The following DIXDC1 variants were observed in gnomAD, a reference collection of about 807,000 sequenced individuals.
DIXDC1 encodes the protein dixin.
In DIXDC1, 64 loss-of-function variants were observed where a neutral mutation model predicts 103.1. The ratio of observed to expected loss-of-function variants is 0.62; its 90% CI spans 0.51 to 0.76. The LOEUF (loss-of-function observed/expected upper bound fraction) is 0.76. DIXDC1 is among the 30% of genes least tolerant of loss of function. The probability of loss-of-function intolerance (pLI) is 0.00; values close to 1 mark genes in which losing one functional copy is unlikely to be tolerated. For synonymous variants in DIXDC1, 266 were observed against 298.5 expected (o/e 0.89, Z 1.12); for missense variants, 759 against 834.2 (o/e 0.91, Z 1.11).
intron 1 of DIXDC1, among the ~76,000 whole-genome samples, chr11:111,928,036 A>G (rs1393458374): frequency 1.3e-5 from 2 of 151,922 alleles, no homozygotes; most frequent in East Asian, 3.9e-4. Flanking sequence ...AAAAAAAAAA[A>G]AATAGTATTA....
Position 111,940,956 on chromosome 11 carries a change from T to C in DIXDC1, c.60+3397T>C, listed in dbSNP as rs587664233. On this transcript the variant is annotated intron_variant, in intron 1 of 19. Coordinates refer to ENST00000440460, the MANE Select transcript of DIXDC1 (RefSeq NM_001037954.4). Reference sequence around the variant, plus strand: ...TGCCCTACTGGAGCTCACAGACCAGTGAAGAGGAAGTAGCCAGGCACGGTG... The same window carrying C: ...TGCCCTACTGGAGCTCACAGACCAGCGAAGAGGAAGTAGCCAGGCACGGTG... 9.9e-5 allele frequency among the ~76,000 whole-genome samples: 15 copies of C among 152,214 alleles called. No homozygotes were observed. The East Asian group carries it at 2.1e-3, about 22-fold the overall frequency.
rs143484000 is a variant in DIXDC1 at position 111,994,406 on chromosome 11, T to C, written c.1438-613T>C. On this transcript the variant is annotated intron_variant, in intron 14 of 19. Transcript: ENST00000440460. ...CAAAACAAAACAAAACATACATATA[T>C]ATATATATTCATACATACATATATA... Among the ~76,000 whole-genome samples the C allele has an allele frequency of 2.6e-5, 4 of 151,636 alleles. No homozygotes were observed. In the East Asian group the frequency reaches 7.7e-4, roughly 29 times the overall value.
chr11:111,944,854 G>T (rs1364503317), intron 1 of DIXDC1, among the ~76,000 whole-genome samples: 1 of 152,184 alleles, frequency 6.6e-6, no homozygotes, highest in Non-Finnish European at 1.5e-5. Context: ...ACCTTCAGTT[G>T]TTCTAGACAT....
Position 112,016,773 on chromosome 11 carries a change from C to A in DIXDC1, c.1839C>A (p.Pro613=). The part of the protein sequence containing the change: ...VLYFTDRSLT[P]FMVNIPKRLE... ...ATTTCACTGACCGGTCACTTACGCC[C>A]TTCATGGTCAATATACCAAAGAGGT... Residue 613 remains proline (P), a synonymous_variant, in exon 18 of 20, where the codon CCC becomes CCA. Coordinates refer to ENST00000440460, the MANE Select transcript of DIXDC1 (RefSeq NM_001037954.4). 2 of 1,607,752 alleles carry A rather than the reference C, an allele frequency of 1.2e-6. No individual in the cohort carries two copies. Among genetic ancestry groups the A allele is most frequent in the South Asian group, 1.1e-5 (1 of 89,874 alleles).
rs1235259744 is a variant in DIXDC1, at chr11:111,977,214, G to A, written c.656+2231G>A. 2 of 986,058 alleles carry A rather than the reference G, an allele frequency of 2.0e-6. No homozygotes were observed. Among genetic ancestry groups the A allele is most frequent in the Non-Finnish European group, 2.4e-6 (2 of 828,810 alleles). The allele number at this position is 986,058 out of a possible 1,614,324, so 61.1% of individuals were successfully genotyped here. On this transcript the variant is annotated intron_variant, in intron 5 of 19. Coordinates refer to ENST00000440460, the MANE Select transcript of DIXDC1 (RefSeq NM_001037954.4). This position sits in a 1 kb window ranked among gnomAD's most constrained non-coding sequence, Gnocchi z 6.1. ...CGCACCCTCAACCTCCGTCCAGAGCGGTCGGTTGGCCAGCGGAGCTGGCTT... is the reference window on the plus strand; with the variant it reads ...CGCACCCTCAACCTCCGTCCAGAGCAGTCGGTTGGCCAGCGGAGCTGGCTT...
At position 111,996,183 on chromosome 11, in the gene DIXDC1, A is replaced by T. The variant is rs781917914; in HGVS notation, c.1756+37A>T. 4 of 1,554,738 alleles carry T rather than the reference A, an allele frequency of 2.6e-6. No homozygotes were observed. In the East Asian group the frequency reaches 6.7e-5, roughly 26 times the overall value. ...TTTTTGCTCAGTAGGGACTCCTAGC[A>T]TATTAGACCAGAAATTTAGTATTTT... On this transcript the variant is annotated intron_variant, in intron 17 of 19. Coordinates refer to ENST00000440460, the MANE Select transcript of DIXDC1 (RefSeq NM_001037954.4).
At position 111,992,500 on chromosome 11, in the gene DIXDC1, A is replaced by C. The variant is rs1555174659; in HGVS notation, c.1199A>C (p.Asp400Ala). ...QELLRANMDK[D>A]ELHNQNVDLQ... The stretch of plus-strand genomic sequence containing the variant: ...CTACTGAGGGCAAATATGGACAAAG[A>C]TGAGCTGCACAACCAGAATGTGAGT... The change falls in exon 11 of 20, where the codon GAT becomes GCT. Residue 400 changes from aspartate (D) to alanine (A), a missense_variant. By Grantham distance (126) the Asp-to-Ala change is moderately radical. Transcript: ENST00000440460. 1 of 1,568,614 alleles carries C rather than the reference A, an allele frequency of 6.4e-7. No individual in the cohort carries two copies. The highest frequency in any genetic ancestry group is 2.3e-5 in the East Asian group (1 of 42,588).
chr11:111,976,003 G>C lies in DIXDC1; in HGVS notation c.656+1020G>C. 1 of 752,756 alleles carries C rather than the reference G, an allele frequency of 1.3e-6. No individual in the cohort carries two copies. The highest frequency in any genetic ancestry group is 1.6e-6 in the Non-Finnish European group (1 of 618,006). The allele number at this position is 752,756 out of a possible 1,614,324, so 46.6% of individuals were successfully genotyped here. On this transcript the variant is annotated intron_variant, in intron 5 of 19. Coordinates refer to ENST00000440460, the MANE Select transcript of DIXDC1 (RefSeq NM_001037954.4). This position sits in a 1 kb window ranked among gnomAD's most constrained non-coding sequence, Gnocchi z 4.3. The stretch of plus-strand genomic sequence containing the variant: ...TAAACATTATAAAGTGTACAATTCA[G>C]TGGCATTTAGTATCTTCATAATGTG...
In DIXDC1 at chr11:112,021,748, G is replaced by A. The variant is rs1555178540; in HGVS notation, c.*2712G>A. The stretch of plus-strand genomic sequence containing the variant: ...CCAGCACTTTGGGAGGCCGAGGCAG[G>A]AAGACTGCTTGAGCCCAGGAGTTCA... On this transcript the variant is annotated 3_prime_UTR_variant, in exon 20 of 20. Coordinates refer to ENST00000440460, the MANE Select transcript of DIXDC1 (RefSeq NM_001037954.4). The A allele has an allele frequency of 6.6e-6, 1 of 152,322 alleles. No individual in the cohort carries two copies. The highest frequency in any genetic ancestry group is 2.4e-5 in the African/African-American group (1 of 41,456). The allele number at this position is 152,322 out of a possible 1,614,324, so 9.4% of individuals were successfully genotyped here. A position where few individuals can be genotyped will look rare whatever the true frequency, so the allele number is the denominator to read the frequency against.
intron 17 of DIXDC1, among the ~76,000 whole-genome samples, chr11:112,003,139 T>A (rs1367648099): frequency 1.3e-5 from 2 of 152,132 alleles, no homozygotes; most frequent in African/African-American, 4.8e-5. Flanking sequence ...AAAAATACAG[T>A]TAGATAGAAG....
chr11:111,964,554 G>C lies in DIXDC1; in HGVS notation c.66G>C (p.Gln22His). The change falls in exon 2 of 20, where the codon CAG becomes CAC. Residue 22 changes from glutamine to histidine, a missense_variant. Transcript: ENST00000440460. Reference sequence around the variant, plus strand: ...TTATATCTTTTATTTTCCAGCAACAGCTGCAGGCCTATGTGGCCTGGGTGA... The same window carrying C: ...TTATATCTTTTATTTTCCAGCAACACCTGCAGGCCTATGTGGCCTGGGTGA... ...DVLQEGFNEQ[Q>H]LQAYVAWVNA... 6.2e-7 allele frequency: 1 copy of C among 1,600,970 alleles called. No homozygotes were observed. The highest frequency in any genetic ancestry group is 1.1e-5 in the South Asian group (1 of 89,162).
At position 112,020,007 on chromosome 11, in the gene DIXDC1, C is replaced by T. The variant is rs782581536; in HGVS notation, c.*971C>T. The T allele has an allele frequency of 6.6e-6, 1 of 152,030 alleles. No homozygotes were observed. The highest frequency in any genetic ancestry group is 1.5e-5 in the Non-Finnish European group (1 of 68,016). 9.4% of individuals were successfully genotyped at this position (152,030 alleles called of 1,614,324 possible). ...ACTGAGCATGAAGTACTTGTCTGCCCCTCATTTCAAGGCCAGAGTTATTTT... is the reference window on the plus strand; with the variant it reads ...ACTGAGCATGAAGTACTTGTCTGCCTCTCATTTCAAGGCCAGAGTTATTTT... On this transcript the variant is annotated 3_prime_UTR_variant, in exon 20 of 20. Coordinates refer to ENST00000440460, the MANE Select transcript of DIXDC1 (RefSeq NM_001037954.4).
At chr11:111,982,618 A>T in intron 7 of DIXDC1, 131 bp downstream of exon 7, 1 of 986,950 alleles carries the variant, frequency 1.0e-6, no homozygotes, top group South Asian at 1.8e-5. Flanking sequence ...TATAGGGAAT[A>T]GCACAGAAAG....
chr11:112,013,531 C>T lies in DIXDC1; in HGVS notation c.1757-3160C>T, dbSNP rs181092797. On this transcript the variant is annotated intron_variant, in intron 17 of 19. Coordinates refer to ENST00000440460, the MANE Select transcript of DIXDC1 (RefSeq NM_001037954.4). Reference sequence around the variant, plus strand: ...ACATTTAAAATGAATAATGAGATGACGTAATTCATCTTGTGTTCCCCTGTC... The same window carrying T: ...ACATTTAAAATGAATAATGAGATGATGTAATTCATCTTGTGTTCCCCTGTC... Among the ~76,000 whole-genome samples the T allele has an allele frequency of 3.7e-3, 560 of 152,074 alleles. 2 individuals carry two copies. The highest frequency in any genetic ancestry group is 0.012 in the African/African-American group (516 of 41,468).
At chr11:111,982,150 G>A (rs1860324850) in intron 6 of DIXDC1, 189 bp from the exon 7 acceptor site, 1 of 533,098 alleles carries the variant, frequency 1.9e-6, no homozygotes, top group Non-Finnish European at 3.3e-6. Context: ...CACCAAGTGA[G>A]CCTGAGGCCT....
At chr11:112,006,567 C>T (rs587617367) in intron 17 of DIXDC1, among the ~76,000 whole-genome samples, 5 of 152,182 alleles carry the variant, frequency 3.3e-5, no homozygotes, top group Admixed American at 2.6e-4. Context: ...GGCAAGTGCC[C>T]CTCTGGGACA....
chr11:111,929,051 T>A (rs1338515979), intron 1 of DIXDC1, among the ~76,000 whole-genome samples: 3 of 150,690 alleles, frequency 2.0e-5, no homozygotes, highest in African/African-American at 7.3e-5. Context: ...TGGTGGCACG[T>A]GCCTGTAGTT....
chr11:111,988,030 C>T (rs1452457997), intron 9 of DIXDC1, among the ~76,000 whole-genome samples: 2 of 151,504 alleles, frequency 1.3e-5, no homozygotes, highest in Non-Finnish European at 2.9e-5. Flanking sequence ...GACAGAGTCT[C>T]ACTCTGTCAC....
At chr11:111,937,127 C>CGGGGGGGGGGGG (rs200146124), upstream of DIXDC1, 5 of 502,568 alleles carry the variant, frequency 9.9e-6, no homozygotes, top group Admixed American at 2.9e-4. Flanking sequence ...TGCTGCGGCC[C>CGGGGGGGGGGGG]GGGCGGGGGG....
Sources: gnomAD v4.1 joint callset for allele counts (sites outside exome capture counted in the v4.1 genomes callset) on GRCh38, gnomAD v4.1.1 for gene constraint, Gnocchi (gnomAD v3.1) non-coding constraint, MANE v1.5 for transcripts, NCBI Gene and HGNC (gene_info 2026-07-23, HGNC 2026-07-21) for gene names.